THSD4: variants seen among roughly 807,000 people sequenced by gnomAD.
The protein encoded by THSD4 is thrombospondin type 1 domain containing 4.
Under a neutral mutation model 119.0 loss-of-function variants are expected in THSD4, and 69 were observed. The observed-to-expected ratio is 0.58, with a 90% CI of 0.48 to 0.71. The LOEUF is 0.71. THSD4 is among the 30% of genes least tolerant of loss of function. The pLI, the probability that THSD4 is intolerant of heterozygous loss-of-function variation, is 0.00. For synonymous variants in THSD4, 524 were observed against 540.4 expected, an observed-to-expected ratio of 0.97 and a Z score of 0.42; for missense variants, 1,393 against 1,391.1, an observed-to-expected ratio of 1.00 and a Z score of -0.02.
intron 7 of THSD4, among the ~76,000 whole-genome samples, chr15:71,621,637 A>G (rs2050420087): frequency 6.6e-6 from 1 of 152,222 alleles, no homozygotes; most frequent in Non-Finnish European, 1.5e-5. Flanking sequence ...ATTTTCAAAA[A>G]TTAATAGCTA....
chr15:71,729,712 G>C (rs2052935469), intron 9 of THSD4: 1 of 152,078 alleles, frequency 6.6e-6, no homozygotes, highest in Admixed American at 6.6e-5. Flanking sequence ...AAGGCCTACT[G>C]TGGGTGGTCT....
chr15:71,345,272 G>T (rs1270462887), intron 6 of THSD4, among the ~76,000 whole-genome samples: 1 of 152,080 alleles, frequency 6.6e-6, no homozygotes, highest in Non-Finnish European at 1.5e-5. Context: ...CTTGTGGCCT[G>T]CCAGATAGAA....
intron 3 of THSD4, among the ~76,000 whole-genome samples, chr15:71,210,598 CAT>C (rs1403537044): frequency 2.0e-5 from 3 of 152,266 alleles, no homozygotes; most frequent in Non-Finnish European, 2.9e-5. Context: ...TAGATTGAAT[CAT>C]ATGAAAGTAT....
chr15:71,199,843 C>CATGTGTGGTATG (rs1567155002), intron 3 of THSD4, among the ~76,000 whole-genome samples: 108 of 81,072 alleles, frequency 1.3e-3, no homozygotes, highest in African/African-American at 6.0e-3. Context: ...TGTGTGTGTG[C>CATGTGTGGTATG]TGTGTGTGAT....
chr15:71,254,188 C>A (rs185789121), intron 5 of THSD4, among the ~76,000 whole-genome samples: 2 of 152,318 alleles, frequency 1.3e-5, no homozygotes, highest in East Asian at 3.9e-4. Context: ...TTGTGCTGGT[C>A]TGTTTCTGCT....
chr15:71,452,685 T>G (rs1310519921), intron 7 of THSD4, among the ~76,000 whole-genome samples: 1 of 152,120 alleles, frequency 6.6e-6, no homozygotes, highest in African/African-American at 2.4e-5. Context: ...GCGCGATCTC[T>G]GCTCACTACA....
chr15:71,131,109 C>G (rs1458795765), intron 1 of THSD4, among the ~76,000 whole-genome samples: 2 of 152,126 alleles, frequency 1.3e-5, no homozygotes, highest in African/African-American at 2.4e-5. Context: ...ATACCTTGTA[C>G]CAGTCACGTG....
chr15:71,647,064 A>G (rs986099658), intron 7 of THSD4, among the ~76,000 whole-genome samples: 3 of 152,250 alleles, frequency 2.0e-5, no homozygotes, highest in Admixed American at 2.0e-4. Context: ...TCTGGGGGGC[A>G]TGATTTAAAA....
chr15:71,733,540 C>CCTGGTCCTG (rs2053022658), intron 10 of THSD4: 1 of 152,094 alleles, frequency 6.6e-6, no homozygotes. Flanking sequence ...TGTCAACATG[C>CCTGGTCCTG]CTGGTCCTGA....
intron 2 of THSD4, among the ~76,000 whole-genome samples, chr15:71,142,459 A>C (rs1395248300): frequency 6.6e-6 from 1 of 152,174 alleles, no homozygotes; most frequent in East Asian, 1.9e-4. Context: ...AAATCTCAAT[A>C]TATAAAATAG....
At chr15:71,326,049 A>G (rs1238174689) in intron 6 of THSD4, among the ~76,000 whole-genome samples, 1 of 152,204 alleles carries the variant, frequency 6.6e-6, no homozygotes, top group African/African-American at 2.4e-5. Flanking sequence ...TAATAATTCC[A>G]TATAACTATT....
chr15:71,532,858 G>A (rs568707393), intron 7 of THSD4, among the ~76,000 whole-genome samples: 2 of 152,300 alleles, frequency 1.3e-5, no homozygotes, highest in African/African-American at 4.8e-5. Flanking sequence ...ACCCTTGGAA[G>A]AAAACCAATG....
chr15:71,724,484 A>G (rs1046678474), intron 8 of THSD4, among the ~76,000 whole-genome samples: 3 of 151,046 alleles, frequency 2.0e-5, no homozygotes, highest in Non-Finnish European at 3.0e-5. Context: ...ACGGGGTTTC[A>G]CCATGTTGGC....
chr15:71,531,461 A>G lies in THSD4; in HGVS notation c.1152+119638A>G, dbSNP rs146621188. Among the ~76,000 whole-genome samples the G allele has an allele frequency of 2.9e-3, 439 of 152,312 alleles. 1 individual carries two copies. The highest frequency in any genetic ancestry group is 5.1e-3 in the Non-Finnish European group (348 of 68,020). On this transcript the variant is annotated intron_variant, in intron 7 of 17. Coordinates refer to ENST00000261862, the MANE Select transcript of THSD4 (RefSeq NM_024817.3). ...CATGAAAATGGATAGAAGTGGGTGAATTCAAGACACATTTCAAAAATGCAG... is the reference window on the plus strand; with the variant it reads ...CATGAAAATGGATAGAAGTGGGTGAGTTCAAGACACATTTCAAAAATGCAG...
intron 7 of THSD4, among the ~76,000 whole-genome samples, chr15:71,438,282 T>A (rs1000410279): frequency 1.3e-5 from 2 of 152,014 alleles, no homozygotes; most frequent in Admixed American, 1.3e-4. Context: ...TTGTGTAAAT[T>A]GCAGGGTTTA....
At chr15:71,492,063 T>C (rs2047927881) in intron 7 of THSD4, among the ~76,000 whole-genome samples, 1 of 152,048 alleles carries the variant, frequency 6.6e-6, no homozygotes, top group Non-Finnish European at 1.5e-5. Flanking sequence ...GTTCATGTCA[T>C]TTGCATGTTT....
At chr15:71,339,342 A>G (rs905133044) in intron 6 of THSD4, among the ~76,000 whole-genome samples, 1 of 151,814 alleles carries the variant, frequency 6.6e-6, no homozygotes, top group Non-Finnish European at 1.5e-5. Context: ...CAAACCCCCA[A>G]GTTTAATGAC....
chr15:71,369,302 G>C (rs1596373648), intron 6 of THSD4, among the ~76,000 whole-genome samples: 2 of 152,138 alleles, frequency 1.3e-5, no homozygotes, highest in South Asian at 4.1e-4. Flanking sequence ...GCCCTGGCCA[G>C]AACTTCCAAC....
chr15:71,191,539 C>T (rs771947638), intron 3 of THSD4, among the ~76,000 whole-genome samples: 1 of 152,188 alleles, frequency 6.6e-6, no homozygotes, highest in East Asian at 1.9e-4. Context: ...AACTTCACAG[C>T]AACCTTATGA....
Sources: allele counts gnomAD v4.1 joint callset (sites outside exome capture counted in the v4.1 genomes callset), GRCh38; gene constraint gnomAD v4.1.1; transcripts MANE v1.5; gene names NCBI Gene and HGNC (gene_info 2026-07-23, HGNC 2026-07-21).